The following SDK2 variants were observed in gnomAD, a reference collection of about 807,000 sequenced individuals.
SDK2 encodes sidekick cell adhesion molecule 2, also known as protein sidekick-2.
A neutral mutation model predicts 253.9 loss-of-function variants in SDK2; 105 were observed. That is an observed-to-expected ratio of 0.41 (90% CI 0.35 to 0.49). The LOEUF (loss-of-function observed/expected upper bound fraction) is 0.49. Among genes scored for constraint, SDK2 ranks in the 20% least tolerant of loss-of-function variants. The probability of loss-of-function intolerance (pLI) is 0.06; values close to 1 mark genes in which losing one functional copy is unlikely to be tolerated. For synonymous variants in SDK2, 1,249 were observed against 1,234.9 expected (o/e 1.01, Z -0.24); for missense variants, 2,608 against 3,003.0 (o/e 0.87, Z 3.07).
In SDK2 at chr17:73,408,542, C is replaced by CA. The variant is rs2063100153; in HGVS notation, c.2484+6101dup. 2.6e-5 allele frequency among the ~76,000 whole-genome samples: 4 copies of CA among 152,082 alleles called. No individual in the cohort carries two copies. The South Asian group carries it at 8.3e-4, about 32-fold the overall frequency. ...CCCCGAAGTAAAATATTTCAAATAA[C>CA]AAAAAATCAAACCTGAATCAGATTA... On this transcript the variant is annotated intron_variant, in intron 18 of 44. Transcript: ENST00000392650.
At chr17:73,404,029 T>G (rs2063050765) in intron 18 of SDK2, among the ~76,000 whole-genome samples, 1 of 152,202 alleles carries the variant, frequency 6.6e-6, no homozygotes, top group Non-Finnish European at 1.5e-5. Flanking sequence ...AATTATAAGC[T>G]CTACCATTTT....
intron 2 of SDK2, among the ~76,000 whole-genome samples, chr17:73,478,640 A>AG (rs1304134716): frequency 6.6e-6 from 1 of 152,206 alleles, no homozygotes; most frequent in Non-Finnish European, 1.5e-5. Context: ...AGAGAGGAGC[A>AG]GGGGGGACAA....
intron 1 of SDK2, among the ~76,000 whole-genome samples, chr17:73,565,885 G>T (rs769676325): frequency 7.9e-5 from 12 of 152,180 alleles, no homozygotes; most frequent in African/African-American, 1.9e-4. Context: ...GTGCAATAGC[G>T]CAATCTCAGC....
chr17:73,347,293 G>A (rs748642301), intron 44 of SDK2, among the ~76,000 whole-genome samples: 12 of 152,206 alleles, frequency 7.9e-5, no homozygotes, highest in Non-Finnish European at 1.3e-4. Context: ...CCAGGAGGCA[G>A]AGGTCTCAGT....
intron 29 of SDK2, among the ~76,000 whole-genome samples, chr17:73,389,958 A>G (rs1272639454): frequency 1.4e-4 from 21 of 152,178 alleles, no homozygotes; most frequent in Admixed American, 1.4e-3. Context: ...CATGTTGGCT[A>G]GGCTGGTCTC....
intron 40 of SDK2, among the ~76,000 whole-genome samples, chr17:73,355,548 A>T (rs2062585224): frequency 6.6e-6 from 1 of 151,956 alleles, no homozygotes; most frequent in Admixed American, 6.6e-5. Context: ...GGGTTTCACC[A>T]TATTGGCGAG....
intron 1 of SDK2, among the ~76,000 whole-genome samples, chr17:73,631,179 G>A (rs1055269758): frequency 1.3e-5 from 2 of 152,136 alleles, no homozygotes; most frequent in Non-Finnish European, 2.9e-5. Context: ...CCAGTGATGC[G>A]CAGGCGGATA....
intron 44 of SDK2, among the ~76,000 whole-genome samples, chr17:73,339,555 T>G (rs903868831): frequency 3.9e-5 from 6 of 152,054 alleles, no homozygotes; most frequent in African/African-American, 7.2e-5. Flanking sequence ...TTCTTTTTTT[T>G]GGGGGGCGGG....
intron 5 of SDK2, among the ~76,000 whole-genome samples, chr17:73,445,516 C>T (rs1274748539): frequency 6.6e-6 from 1 of 152,088 alleles, no homozygotes; most frequent in Non-Finnish European, 1.5e-5. Context: ...CTTTCCTTCT[C>T]TGGTTCTGAA....
At chr17:73,394,433 C>A in intron 25 of SDK2, 109 bp from the exon 26 acceptor site, 1 of 580,404 alleles carries the variant, frequency 1.7e-6, no homozygotes, top group Non-Finnish European at 2.8e-6. Context: ...GATGTTGCCT[C>A]TCTATGGAAG....
intron 22 of SDK2, 35 bp from the exon 23 acceptor site, chr17:73,398,464 T>G (rs750624163): frequency 3.2e-6 from 5 of 1,574,488 alleles, no homozygotes; most frequent in Non-Finnish European, 8.7e-7. Flanking sequence ...CTGTCCAGCC[T>G]ACAGGGCCCA....
At chr17:73,608,905 G>A (rs1420269019) in intron 1 of SDK2, among the ~76,000 whole-genome samples, 7 of 152,194 alleles carry the variant, frequency 4.6e-5, no homozygotes, top group Non-Finnish European at 7.3e-5. Context: ...ATGGTGGCTG[G>A]CACCGTGTCG....
chr17:73,356,946 C>A (rs1040306236), intron 40 of SDK2, among the ~76,000 whole-genome samples: 1 of 152,250 alleles, frequency 6.6e-6, no homozygotes, highest in Non-Finnish European at 1.5e-5. Context: ...GGCACCCCAA[C>A]TGGCCAACTT....
At chr17:73,412,761 C>CA (rs1192959245) in intron 18 of SDK2, among the ~76,000 whole-genome samples, 2 of 151,988 alleles carry the variant, frequency 1.3e-5, no homozygotes, top group African/African-American at 4.8e-5. Flanking sequence ...ATTGAAAATA[C>CA]AAAAAAATTA....
At chr17:73,600,952 CA>C (rs201408739) in intron 1 of SDK2, among the ~76,000 whole-genome samples, 2,378 of 152,246 alleles carry the variant, frequency 0.016, 58 homozygotes, top group East Asian at 0.042. Context: ...CACAGAAACC[CA>C]CCCAAGAGAG....
At chr17:73,456,789 A>AGCCAGCCT (rs1200609031) in intron 3 of SDK2, among the ~76,000 whole-genome samples, 2 of 152,328 alleles carry the variant, frequency 1.3e-5, no homozygotes, top group Non-Finnish European at 2.9e-5. Flanking sequence ...GAAACTCTTC[A>AGCCAGCCT]GCCAGCCTGC....
chr17:73,339,823 C>T (rs573723611), intron 44 of SDK2, among the ~76,000 whole-genome samples: 1 of 152,220 alleles, frequency 6.6e-6, no homozygotes, highest in South Asian at 2.1e-4. Context: ...TCCTAAAGTG[C>T]TGGGATTACA....
At chr17:73,497,037 C>T (rs766957576) in intron 2 of SDK2, among the ~76,000 whole-genome samples, 3 of 152,220 alleles carry the variant, frequency 2.0e-5, no homozygotes, top group Non-Finnish European at 2.9e-5. Flanking sequence ...GCTGGCCTTA[C>T]AGGCACGAGC....
chr17:73,463,978 G>A lies in SDK2; in HGVS notation c.332-7925C>T, dbSNP rs79625495. 1.0e-2 allele frequency among the ~76,000 whole-genome samples: 1,523 copies of A among 152,312 alleles called. 29 individuals are homozygous for A. Among genetic ancestry groups the A allele is most frequent in the African/African-American group, 0.034 (1,406 of 41,560 alleles). On this transcript the variant is annotated intron_variant, in intron 3 of 44. Transcript: ENST00000392650. ...TCAATTTACCAACTTGACGCCAGCA[G>A]CCATGTGAGTTTCCACCAACACTTG...
Sources: gnomAD v4.1 joint callset for allele counts (sites outside exome capture counted in the v4.1 genomes callset) on GRCh38, gnomAD v4.1.1 for gene constraint, MANE v1.5 for transcripts, NCBI Gene and HGNC (gene_info 2026-07-23, HGNC 2026-07-21) for gene names.